The following SCAPER variants were observed in gnomAD, a reference collection of about 807,000 sequenced individuals.
The protein encoded by SCAPER is S phase cyclin A-associated protein in the endoplasmic reticulum.
SCAPER carries 98 observed loss-of-function variants against 182.2 expected under a neutral mutation model. That is an observed-to-expected ratio of 0.54 (90% CI 0.46 to 0.64). SCAPER has a LOEUF of 0.64. Among genes scored for constraint, SCAPER ranks in the 30% least tolerant of loss-of-function variants. The probability of loss-of-function intolerance (pLI) is 0.00; values close to 1 mark genes in which losing one functional copy is unlikely to be tolerated. For missense variants in SCAPER, 1,432 were observed against 1,690.0 expected (o/e 0.85, Z 2.68); for synonymous variants, 605 against 564.6 (o/e 1.07, Z -1.01).
chr15:76,818,238 T>C (rs1310105438), intron 5 of SCAPER, among the ~76,000 whole-genome samples: 1 of 152,252 alleles, frequency 6.6e-6, no homozygotes, highest in African/African-American at 2.4e-5. Flanking sequence ...AAATGGGACA[T>C]CACATGCAAA....
At chr15:76,779,948 C>T (rs923434860) in intron 8 of SCAPER, among the ~76,000 whole-genome samples, 20 of 152,220 alleles carry the variant, frequency 1.3e-4, no homozygotes, top group African/African-American at 4.8e-4. Flanking sequence ...CTCCAGTCTG[C>T]AGCTCCCAGC....
intron 2 of SCAPER, among the ~76,000 whole-genome samples, chr15:76,880,137 C>G (rs1285487756): frequency 1.3e-5 from 2 of 152,202 alleles, no homozygotes; most frequent in African/African-American, 4.8e-5. Context: ...AATCTCTGAA[C>G]ACATTTCCTT....
chr15:76,827,167 CTT>C (rs538241861), intron 5 of SCAPER, among the ~76,000 whole-genome samples: 5 of 152,308 alleles, frequency 3.3e-5, no homozygotes, highest in African/African-American at 1.2e-4. Context: ...TCCCATTTCT[CTT>C]TCTTTCCATT....
chr15:76,692,738 A>C (rs993508465), intron 20 of SCAPER, among the ~76,000 whole-genome samples: 28 of 151,262 alleles, frequency 1.9e-4, no homozygotes, highest in Admixed American at 9.9e-4. Flanking sequence ...AAGGAAAGGA[A>C]AGGACAGGAA....
chr15:76,663,043 A>T (rs2056317298), intron 21 of SCAPER, among the ~76,000 whole-genome samples: 1 of 152,152 alleles, frequency 6.6e-6, no homozygotes, highest in Non-Finnish European at 1.5e-5. Context: ...ATGAGAGAAA[A>T]GACATCTCAA....
At chr15:76,798,027 T>G (rs978600342) in intron 7 of SCAPER, among the ~76,000 whole-genome samples, 11 of 151,762 alleles carry the variant, frequency 7.2e-5, no homozygotes, top group Admixed American at 4.6e-4. Context: ...TTGGGCTTAC[T>G]AGACAAAGAC....
intron 26 of SCAPER, among the ~76,000 whole-genome samples, chr15:76,429,130 C>T (rs954178258): frequency 3.3e-5 from 5 of 151,834 alleles, no homozygotes; most frequent in African/African-American, 1.2e-4. Context: ...TGCCTGCCAC[C>T]ATCCACGTAA....
intron 15 of SCAPER, among the ~76,000 whole-genome samples, chr15:76,748,913 G>T (rs2061947312): frequency 6.6e-6 from 1 of 151,328 alleles, no homozygotes; most frequent in African/African-American, 2.4e-5. Context: ...TAGCTTCCTT[G>T]GTAGATTTTA....
chr15:76,562,922 CAT>C (rs1407155203), intron 23 of SCAPER, among the ~76,000 whole-genome samples: 1 of 152,054 alleles, frequency 6.6e-6, no homozygotes, highest in Non-Finnish European at 1.5e-5. Context: ...AACTGTATAA[CAT>C]AAATTCTCGA....
rs1422701869 is a variant in SCAPER, at chr15:76,818,021, T to G, written c.394-13388A>C. 3.3e-5 allele frequency among the ~76,000 whole-genome samples: 5 copies of G among 152,102 alleles called. No individual in the cohort carries two copies. The East Asian group carries it at 9.6e-4, about 29-fold the overall frequency. Reference sequence around the variant, plus strand: ...ATACAATTTTGAAGAACAAAGCTGGTGGACTAACACTACCCAATGTCAAGA... The same window carrying G: ...ATACAATTTTGAAGAACAAAGCTGGGGGACTAACACTACCCAATGTCAAGA... On this transcript the variant is annotated intron_variant, in intron 5 of 31. Coordinates refer to ENST00000563290, the MANE Select transcript of SCAPER (RefSeq NM_020843.4).
At position 76,741,486 on chromosome 15, in the gene SCAPER, T is replaced by C. The variant is rs951970007; in HGVS notation, c.1867-8102A>G. Among the ~76,000 whole-genome samples, 5 of 152,134 alleles carry C rather than the reference T, an allele frequency of 3.3e-5. No homozygotes were observed. The South Asian group carries it at 1.0e-3, about 32-fold the overall frequency. On this transcript the variant is annotated intron_variant, in intron 15 of 31. Coordinates refer to ENST00000563290, the MANE Select transcript of SCAPER (RefSeq NM_020843.4). ...TTACAATACCCTCCAGAAAGATTAA[T>C]CTGGAGGGAGGAGGAACAAAAGGGA...
At chr15:76,845,017 G>C (rs114100890) in intron 4 of SCAPER, among the ~76,000 whole-genome samples, 1 of 152,040 alleles carries the variant, frequency 6.6e-6, no homozygotes, top group Non-Finnish European at 1.5e-5. Flanking sequence ...ACATTAAAAA[G>C]ATCATTCATC....
chr15:76,851,253 TG>T (rs2070727277), intron 4 of SCAPER, among the ~76,000 whole-genome samples: 3 of 151,734 alleles, frequency 2.0e-5, no homozygotes, highest in Admixed American at 1.3e-4. Flanking sequence ...ACAAACAACT[TG>T]AAAAAATACT....
At chr15:76,556,554 A>G (rs144679480) in intron 23 of SCAPER, among the ~76,000 whole-genome samples, 123 of 152,318 alleles carry the variant, frequency 8.1e-4, no homozygotes, top group African/African-American at 2.8e-3. Context: ...CATTATCACT[A>G]ACCCACAGAT....
At chr15:76,512,560 C>A (rs913646220) in intron 23 of SCAPER, among the ~76,000 whole-genome samples, 1 of 151,856 alleles carries the variant, frequency 6.6e-6, no homozygotes, top group African/African-American at 2.4e-5. Context: ...TGCAGACCCT[C>A]CACAATGGGA....
chr15:76,535,253 G>A (rs867276316), intron 23 of SCAPER, among the ~76,000 whole-genome samples: 12 of 152,182 alleles, frequency 7.9e-5, no homozygotes, highest in Middle Eastern at 3.4e-3. Context: ...GCCAGGCGTG[G>A]TGGCTCACGC....
chr15:76,816,357 A>C (rs1404307189), intron 5 of SCAPER, among the ~76,000 whole-genome samples: 1 of 152,150 alleles, frequency 6.6e-6, no homozygotes, highest in Admixed American at 6.5e-5. Context: ...TTCCTATCTA[A>C]CATTTTTTTT....
intron 22 of SCAPER, among the ~76,000 whole-genome samples, chr15:76,604,631 C>T (rs537294235): frequency 2.0e-5 from 3 of 151,422 alleles, no homozygotes; most frequent in South Asian, 2.1e-4. Context: ...TGGCCATTTT[C>T]GTGATATTGA....
rs1021998989 is a variant in SCAPER, at chr15:76,869,412, C to G, written c.7-6879G>C. On this transcript the variant is annotated intron_variant, in intron 2 of 31. Transcript: ENST00000563290. The stretch of plus-strand genomic sequence containing the variant: ...ACATATGAGGAGCTCCAACAACTCA[C>G]TAGCAAAACACAAATAATCCAAATT... Among the ~76,000 whole-genome samples the G allele has an allele frequency of 3.3e-5, 5 of 151,916 alleles. No individual in the cohort carries two copies. In the South Asian group the frequency reaches 8.3e-4, roughly 25 times the overall value.
Sources: gnomAD v4.1 joint callset for allele counts (sites outside exome capture counted in the v4.1 genomes callset) on GRCh38, gnomAD v4.1.1 for gene constraint, MANE v1.5 for transcripts, NCBI Gene and HGNC (gene_info 2026-07-23, HGNC 2026-07-21) for gene names.